VSIG4: variants seen among roughly 807,000 people sequenced by gnomAD.
The protein encoded by VSIG4 is V-set and immunoglobulin domain containing 4.
VSIG4 carries 34 observed loss-of-function variants against 23.4 expected under a neutral mutation model. That is an observed-to-expected ratio of 1.45 (90% CI 1.10 to 1.93). VSIG4 has a LOEUF of 1.93. Among genes scored for constraint, VSIG4 ranks in the 30% most tolerant of loss-of-function variants. VSIG4 has a pLI of 0.00. For synonymous variants in VSIG4, 169 were observed against 120.3 expected, an observed-to-expected ratio of 1.41 and a Z score of -2.65; for missense variants, 433 against 310.8, an observed-to-expected ratio of 1.39 and a Z score of -2.96.
At chrX:66,036,556 T>C (rs2085543320) in intron 1 of VSIG4, among the ~76,000 whole-genome samples, 3 of 94,165 alleles carry the variant, frequency 3.2e-5, no homozygotes, top group Non-Finnish European at 6.2e-5. Context: ...TTTGAGTCAC[T>C]ATCAGTAAAG....
intron 3 of VSIG4, among the ~76,000 whole-genome samples, chrX:66,032,187 G>C (rs1250044470): frequency 1.8e-5 from 2 of 111,819 alleles, no homozygotes; most frequent in African/African-American, 6.5e-5. Flanking sequence ...GATTCAATGA[G>C]AAAATGTGTG....
At position 66,023,858 on chromosome X, in the gene VSIG4, G is replaced by T. The variant is rs889060975; in HGVS notation, c.941-996C>A. Among the ~76,000 whole-genome samples, 4 of 112,318 alleles carry T rather than the reference G, an allele frequency of 3.6e-5. No homozygotes were observed. In the East Asian group the frequency reaches 1.1e-3, roughly 32 times the overall value. ...CCATAAGAAGCCATGGAAGGTTTTT[G>T]AGAGAGAAACAATTTAATGTGGTTA... On this transcript the variant is annotated intron_variant, in intron 6 of 7. Transcript: ENST00000374737.
rs184222704 is a variant in VSIG4, at chrX:66,028,734, C to G, written c.695-622G>C. Among the ~76,000 whole-genome samples, 15 of 109,507 alleles carry G rather than the reference C, an allele frequency of 1.4e-4. 1 individual carries two copies. The highest frequency in any genetic ancestry group is 1.9e-5 in the Non-Finnish European group (1 of 52,511). On this transcript the variant is annotated intron_variant, in intron 3 of 7. Transcript: ENST00000374737. ...CTTCTACCTCAGAGGTAATCTTGAA[C>G]ATACAACCCCATTCCAGGTGCTGGA...
chrX:66,031,103 T>C (rs763078013), intron 3 of VSIG4, among the ~76,000 whole-genome samples: 1 of 111,172 alleles, frequency 9.0e-6, no homozygotes, highest in East Asian at 2.8e-4. Flanking sequence ...TCAGTTTTCC[T>C]ATCTGTCAGT....
At chrX:66,027,111 A>T in intron 5 of VSIG4, among the ~76,000 whole-genome samples, 1 of 111,861 alleles carries the variant, frequency 8.9e-6, no homozygotes, top group Non-Finnish European at 1.9e-5. Context: ...CTCAGCCATT[A>T]TCCTTACCTG....
chrX:66,036,807 A>T (rs1216213007), intron 1 of VSIG4, among the ~76,000 whole-genome samples: 112 of 39,619 alleles, frequency 2.8e-3, no homozygotes, highest in Non-Finnish European at 3.6e-3. Flanking sequence ...TATATTATAT[A>T]ATATTATATA....
intron 5 of VSIG4, 75 bp from the exon 6 acceptor site, chrX:66,025,204 A>G: frequency 1.5e-6 from 1 of 687,662 alleles, no homozygotes; most frequent in Non-Finnish European, 2.1e-6. Flanking sequence ...GAAACAGCCT[A>G]GACTAAGCCA....
chrX:66,035,316 C>T (rs1185754936), intron 1 of VSIG4, among the ~76,000 whole-genome samples: 1 of 112,049 alleles, frequency 8.9e-6, no homozygotes, highest in African/African-American at 3.2e-5. Context: ...TTTTGGTTTG[C>T]TCTATTTTCC....
intron 3 of VSIG4, among the ~76,000 whole-genome samples, chrX:66,029,160 G>A (rs761084563): frequency 9.0e-6 from 1 of 111,471 alleles, no homozygotes; most frequent in Admixed American, 9.5e-5. Flanking sequence ...CATATTAGTA[G>A]ATAAGTCTGG....
intron 5 of VSIG4, 22 bp from the exon 6 acceptor site, chrX:66,025,151 A>T (rs955699597): frequency 3.7e-6 from 4 of 1,095,700 alleles, no homozygotes; most frequent in Non-Finnish European, 4.9e-6. Context: ...AACAAGATCA[A>T]GTGGTATTTG....
chrX:66,038,164 A>G (rs2085640822), intron 1 of VSIG4, among the ~76,000 whole-genome samples: 2 of 111,669 alleles, frequency 1.8e-5, no homozygotes, highest in African/African-American at 3.3e-5. Flanking sequence ...TTATCTTGAC[A>G]TATCTCTTAG....
intron 1 of VSIG4, among the ~76,000 whole-genome samples, chrX:66,035,405 T>A (rs147214543): frequency 8.9e-6 from 1 of 112,201 alleles, no homozygotes; most frequent in African/African-American, 3.2e-5. Flanking sequence ...ACGAACTTTG[T>A]GATTAATCAG....
At position 66,028,061 on chromosome X, in the gene VSIG4, T is replaced by C. The variant is rs1195992259; in HGVS notation, c.746A>G (p.Tyr249Cys). ...CTAGCAAAACTCACCTTTCAAGGGGTATGTCATGGTTGTAGGTGCCTCAGT... is the reference window on the plus strand; with the variant it reads ...CTAGCAAAACTCACCTTTCAAGGGGCATGTCATGGTTGTAGGTGCCTCAGT... ...TKTEAPTTMT[Y>C]PLKATSTVKQ... is the part of the protein sequence containing the mutation. Residue 249 changes from tyrosine (Y) to cysteine (C), a missense_variant, in exon 4 of 8, where the codon TAC becomes TGC. Coordinates refer to ENST00000374737, the MANE Select transcript of VSIG4 (RefSeq NM_007268.3). 3 of 1,210,197 alleles carry C rather than the reference T, an allele frequency of 2.5e-6. No homozygotes were observed. Among genetic ancestry groups the C allele is most frequent in the Non-Finnish European group, 3.4e-6 (3 of 894,536 alleles).
intron 1 of VSIG4, among the ~76,000 whole-genome samples, chrX:66,036,032 C>T (rs1457987120): frequency 8.9e-6 from 1 of 111,742 alleles, no homozygotes; most frequent in Non-Finnish European, 1.9e-5. Context: ...TTGAAAATCA[C>T]TTCTGGAAGT....
intron 1 of VSIG4, among the ~76,000 whole-genome samples, chrX:66,034,145 T>C (rs1277772215): frequency 8.9e-6 from 1 of 112,249 alleles, no homozygotes; most frequent in East Asian, 2.8e-4. Context: ...TCATCTATAA[T>C]GTGGAGAGTT....
chrX:66,034,399 C>A (rs1171318744), intron 1 of VSIG4, among the ~76,000 whole-genome samples: 1 of 111,473 alleles, frequency 9.0e-6, no homozygotes, highest in African/African-American at 3.3e-5. Context: ...GAGTGGGGTC[C>A]CAACCCTAAG....
At position 66,021,866 on chromosome X, in the gene VSIG4, G is replaced by A; in HGVS notation, c.*397C>T. 3.2e-6 allele frequency: 1 copy of A among 314,726 alleles called. No individual in the cohort carries two copies. The allele number at this position is 314,726 out of a possible 1,213,427, so 25.9% of individuals were successfully genotyped here. The stretch of plus-strand genomic sequence containing the variant: ...CAATTAAAAGCTGTCTGGCCCTGAA[G>A]AAAGAGAAATGATCCTGGATATAGC... On this transcript the variant is annotated 3_prime_UTR_variant, in exon 8 of 8. Coordinates refer to ENST00000374737, the MANE Select transcript of VSIG4 (RefSeq NM_007268.3).
In VSIG4 at chrX:66,031,296, G is replaced by A. The variant is rs1017549116; in HGVS notation, c.694+1172C>T. On this transcript the variant is annotated intron_variant, in intron 3 of 7. Transcript: ENST00000374737. ...ATACATTCTTGGGCTTTCTGGTCAC[G>A]CCCTGCCCTCTCTGCTTGACCAGAC... Among the ~76,000 whole-genome samples the A allele has an allele frequency of 6.4e-5, 7 of 110,154 alleles. 1 individual carries two copies. Among genetic ancestry groups the A allele is most frequent in the Admixed American group, 2.9e-4 (3 of 10,354 alleles).
intron 1 of VSIG4, among the ~76,000 whole-genome samples, chrX:66,037,250 T>C (rs1258901668): frequency 4.0e-4 from 8 of 19,895 alleles, no homozygotes; most frequent in Non-Finnish European, 6.1e-4. Context: ...TAATATAATA[T>C]ATAATATATA....
Sources: gnomAD v4.1 joint callset for allele counts (sites outside exome capture counted in the v4.1 genomes callset) on GRCh38, gnomAD v4.1.1 for gene constraint, MANE v1.5 for transcripts, NCBI Gene and HGNC (gene_info 2026-07-23, HGNC 2026-07-21) for gene names.